Variants in TMEM106A observed in about 807,000 individuals in gnomAD.
The protein encoded by TMEM106A is transmembrane protein 106A.
TMEM106A carries 22 observed loss-of-function variants against 25.1 expected under a neutral mutation model. That is an observed-to-expected ratio of 0.88 (90% CI 0.63 to 1.25). The LOEUF (loss-of-function observed/expected upper bound fraction) is 1.25. Among genes scored for constraint, TMEM106A ranks in the 50% most tolerant of loss-of-function variants. The pLI, the probability that TMEM106A is intolerant of heterozygous loss-of-function variation, is 0.00. For missense variants in TMEM106A, 275 were observed against 318.1 expected (o/e 0.86, Z 1.03); for synonymous variants, 104 against 129.9 (o/e 0.80, Z 1.35).
chr17:43,215,968 C>A (rs970630125), intron 5 of TMEM106A, 27 bp downstream of exon 5: 8 of 1,612,932 alleles, frequency 5.0e-6, no homozygotes, highest in Non-Finnish European at 6.8e-6. Context: ...GGCTCCAAAC[C>A]CCCCTTCCTA....
rs762525405 is a variant in TMEM106A at position 43,213,094 on chromosome 17, C to G, written c.53C>G (p.Ser18Ter). 6.2e-7 allele frequency: 1 copy of G among 1,614,082 alleles called. No homozygotes were observed. Residue 18 changes from serine (S) to a stop codon, truncating the protein, a stop_gained, in exon 3 of 9, where the codon TCA (serine) becomes TGA (stop). Transcript: ENST00000612339. LOFTEE classifies it high-confidence loss of function. ...TCTTGGCGGGAGGATGAGAACAAGT[C>G]AATCCTGTCCTCCAAACCAGCCATT... is the stretch of plus-strand genomic sequence containing the variant. Reference protein sequence around the residue: ...LGSWREDENKSILSSKPAIGS... With the variant: ...LGSWREDENK
chr17:43,215,930 C>T lies in TMEM106A; in HGVS notation c.418C>T (p.Leu140Phe), dbSNP rs755889338. The stretch of plus-strand genomic sequence containing the variant: ...GGCCTTTGATGAGGCTGATATCTAC[C>T]TCAACATAACGGTGGGTGGGTGCCC... ...TVAFDEADIY[L>F]NITNILNISN... Residue 140 changes from leucine (L) to phenylalanine (F), a missense_variant, in exon 5 of 9, where the codon CTC (leucine) becomes TTC (phenylalanine). Leu to Phe is a conservative substitution (Grantham distance 22). Transcript: ENST00000612339. The T allele has an allele frequency of 6.2e-7, 1 of 1,614,110 alleles. No homozygotes were observed. Among genetic ancestry groups the T allele is most frequent in the Admixed American group, 1.7e-5 (1 of 60,018 alleles).
In TMEM106A at chr17:43,213,031, G is replaced by C. The variant is rs755293254; in HGVS notation, c.-11G>C. 1.9e-6 allele frequency: 3 copies of C among 1,613,814 alleles called. No homozygotes were observed. Among genetic ancestry groups the C allele is most frequent in the Non-Finnish European group, 2.5e-6 (3 of 1,179,884 alleles). On this transcript the variant is annotated 5_prime_UTR_variant, in exon 3 of 9. Transcript: ENST00000612339. ...GTCTTTTCTCATTAGTGAAACCCCC[G>C]CCCCTGAAGAATGGGTAAGACGTTT...
intron 5 of TMEM106A, 77 bp downstream of exon 5, chr17:43,216,018 T>G: frequency 2.6e-6 from 4 of 1,565,294 alleles, no homozygotes; most frequent in Non-Finnish European, 3.5e-6. Flanking sequence ...GTTATGACCC[T>G]GGGCATGGGA....
chr17:43,215,723 C>G, intron 4 of TMEM106A, 65 bp from the exon 5 acceptor site: 1 of 1,577,756 alleles, frequency 6.3e-7, no homozygotes, highest in Non-Finnish European at 8.7e-7. Flanking sequence ...TCTGAACCCC[C>G]TCTCCGAGTT....
chr17:43,216,043 T>C (rs911179248), intron 5 of TMEM106A, 102 bp downstream of exon 5: 2 of 1,464,838 alleles, frequency 1.4e-6, no homozygotes, highest in Non-Finnish European at 1.9e-6. Flanking sequence ...AGAGATCTTA[T>C]GGCACCCAGA....
At position 43,213,171 on chromosome 17, in the gene TMEM106A, T is replaced by G; in HGVS notation, c.130T>G (p.Ser44Ala). ...CACCGGTAGCAGCAAGTCTTTTTGT[T>G]CCTGTGTGCCTTGTGAAGGAACTGC... ...SSTGSSKSFC[S>A]CVPCEGTADA... is the part of the protein sequence containing the mutation. Residue 44 changes from serine to alanine, a missense_variant, in exon 3 of 9, where the codon TCC becomes GCC. Coordinates refer to ENST00000612339, the MANE Select transcript of TMEM106A (RefSeq NM_145041.4). 4 of 1,614,192 alleles carry G rather than the reference T, an allele frequency of 2.5e-6. No homozygotes were observed. Among genetic ancestry groups the G allele is most frequent in the Non-Finnish European group, 2.5e-6 (3 of 1,180,044 alleles).
At chr17:43,214,072 C>T (rs1420998855) in intron 4 of TMEM106A, 181 bp downstream of exon 4, 12 of 607,552 alleles carry the variant, frequency 2.0e-5, no homozygotes, top group East Asian at 3.0e-5. Context: ...GCTCCTGGAC[C>T]GGGTGTGGTG....
At chr17:43,216,426 C>G (rs1567876720) in intron 5 of TMEM106A, 23 bp from the exon 6 acceptor site, 1 of 1,611,980 alleles carries the variant, frequency 6.2e-7, no homozygotes, top group Non-Finnish European at 8.5e-7. Flanking sequence ...TTCACTCCTC[C>G]CTTCCCTTGT....
chr17:43,216,598 C>G lies in TMEM106A; in HGVS notation c.570+9C>G. On this transcript the variant is annotated intron_variant, in intron 6 of 8. Coordinates refer to ENST00000612339, the MANE Select transcript of TMEM106A (RefSeq NM_145041.4). ...CTTTGGCCAGTGAACAGGTGACTCC[C>G]CTCTCCCTGGCCAGCCCTGCCCACT... 1 of 1,614,180 alleles carries G rather than the reference C, an allele frequency of 6.2e-7. No homozygotes were observed. Among genetic ancestry groups the G allele is most frequent in the East Asian group, 2.2e-5 (1 of 44,880 alleles).
Position 43,213,138 on chromosome 17 carries a change from T to C in TMEM106A, c.97T>C (p.Tyr33His). 2 of 1,614,240 alleles carry C rather than the reference T, an allele frequency of 1.2e-6. No homozygotes were observed. Among genetic ancestry groups the C allele is most frequent in the Middle Eastern group, 1.6e-4 (1 of 6,062 alleles). Residue 33 changes from tyrosine (Y) to histidine (H), a missense_variant, in exon 3 of 9, where the codon TAC becomes CAC. Transcript: ENST00000612339. ...AGCCATTGGCAGCAAGGCTGTCAAC[T>C]ACTCCAGCACCGGTAGCAGCAAGTC... ...KPAIGSKAVN[Y>H]SSTGSSKSFC...
At chr17:43,217,134 TGG>T in intron 7 of TMEM106A, 123 bp from the exon 8 acceptor site, 1 of 974,072 alleles carries the variant, frequency 1.0e-6, no homozygotes, top group Non-Finnish European at 1.6e-6. Context: ...AGTGACATTT[TGG>T]GGGCACCTGA....
In TMEM106A at chr17:43,217,989, A is replaced by T. The variant is rs1201159887; in HGVS notation, c.*188A>T. On this transcript the variant is annotated 3_prime_UTR_variant, in exon 9 of 9. Coordinates refer to ENST00000612339, the MANE Select transcript of TMEM106A (RefSeq NM_145041.4). ...GTTAACTTCATACACACACACTCATATCCTCCAGTTTCCCCCAGATTCTTT... is the reference window on the plus strand; with the variant it reads ...GTTAACTTCATACACACACACTCATTTCCTCCAGTTTCCCCCAGATTCTTT... 1.4e-6 allele frequency: 1 copy of T among 738,796 alleles called. No individual in the cohort carries two copies. The highest frequency in any genetic ancestry group is 2.2e-6 in the Non-Finnish European group (1 of 462,432). The allele number at this position is 738,796 out of a possible 1,614,324, so 45.8% of individuals were successfully genotyped here.
rs751669030 is a variant in TMEM106A, at chr17:43,213,257, G to A, written c.211+5G>A. 3.1e-6 allele frequency: 5 copies of A among 1,614,110 alleles called. No homozygotes were observed. The highest frequency in any genetic ancestry group is 4.2e-6 in the Non-Finnish European group (5 of 1,180,028). ...GCAGTGGCAAGATTCCCCAAGGTGA[G>A]TGGCCCAAGGCTCTGGAAATAGCCT... On this transcript the variant is annotated splice_donor_5th_base_variant and intron_variant, in intron 3 of 8. Transcript: ENST00000612339.
chr17:43,216,305 A>G, intron 5 of TMEM106A, 144 bp from the exon 6 acceptor site: 1 of 1,167,852 alleles, frequency 8.6e-7, no homozygotes, highest in Non-Finnish European at 1.2e-6. Flanking sequence ...TGCCCCTCCA[A>G]GGGGCTCCCA....
Position 43,218,262 on chromosome 17 carries a change from C to G in TMEM106A, c.*461C>G, listed in dbSNP as rs1165910882. The G allele has an allele frequency of 5.6e-6, 1 of 178,710 alleles. No individual in the cohort carries two copies. The highest frequency in any genetic ancestry group is 2.4e-5 in the African/African-American group (1 of 41,786). 11.1% of individuals were successfully genotyped at this position (178,710 alleles called of 1,614,324 possible). ...TGGAGTGGCACCTGGCCTTTCTGTA[C>G]TGAGCACCTGGTCAGTCTGAAGGGG... is the stretch of plus-strand genomic sequence containing the variant. On this transcript the variant is annotated 3_prime_UTR_variant, in exon 9 of 9. Coordinates refer to ENST00000612339, the MANE Select transcript of TMEM106A (RefSeq NM_145041.4).
chr17:43,214,530 G>A (rs1175311775), intron 4 of TMEM106A, among the ~76,000 whole-genome samples: 1 of 152,236 alleles, frequency 6.6e-6, no homozygotes, highest in Non-Finnish European at 1.5e-5. Flanking sequence ...CAGAACCTCA[G>A]GCAGACCTGG....
At position 43,213,898 on chromosome 17, in the gene TMEM106A, C is replaced by T. The variant is rs750671135; in HGVS notation, c.275+7C>T. 5.0e-6 allele frequency: 8 copies of T among 1,613,958 alleles called. No individual in the cohort carries two copies. The Admixed American group carries it at 1.3e-4, about 27-fold the overall frequency. ...GGCTGAAGCCCAAGCACACGTAAGC[C>T]CCCCTTCCTCCCCTAGCTTCACAAG... On this transcript the variant is annotated splice_region_variant and intron_variant, in intron 4 of 8. Transcript: ENST00000612339.
chr17:43,214,458 G>A (rs151336584), intron 4 of TMEM106A, among the ~76,000 whole-genome samples: 4 of 152,254 alleles, frequency 2.6e-5, no homozygotes, highest in East Asian at 1.9e-4. Flanking sequence ...AGGCAGTTCA[G>A]ATTTGCTTGT....
Sources: gnomAD v4.1 joint callset for allele counts (sites outside exome capture counted in the v4.1 genomes callset) on GRCh38, gnomAD v4.1.1 for gene constraint, MANE v1.5 for transcripts, NCBI Gene and HGNC (gene_info 2026-07-23, HGNC 2026-07-21) for gene names.